Variants in CCDC88C observed in about 807,000 individuals in gnomAD.
CCDC88C encodes coiled-coil and HOOK domain protein 88C, also known as protein Daple.
Under a neutral mutation model 198.8 loss-of-function variants are expected in CCDC88C, and 131 were observed. That is an observed-to-expected ratio of 0.66 (90% CI 0.57 to 0.76). The LOEUF (loss-of-function observed/expected upper bound fraction) is 0.76. Among genes scored for constraint, CCDC88C ranks in the 30% least tolerant of loss-of-function variants. The pLI is 0.00. For missense variants in CCDC88C, 2,553 were observed against 2,631.6 expected, an observed-to-expected ratio of 0.97 and a Z score of 0.65; for synonymous variants, 1,166 against 1,114.7, an observed-to-expected ratio of 1.05 and a Z score of -0.92.
intron 3 of CCDC88C, among the ~76,000 whole-genome samples, chr14:91,407,454 G>A (rs75835174): frequency 3.4e-3 from 521 of 152,308 alleles, no homozygotes; most frequent in Non-Finnish European, 5.9e-3. Context: ...GGTCCCAGGC[G>A]GAGTCTGGTC....
At chr14:91,283,251 C>G (rs2277509) in intron 26 of CCDC88C, 78 bp downstream of exon 26, 11 of 1,434,010 alleles carry the variant, frequency 7.7e-6, no homozygotes, top group Non-Finnish European at 9.5e-6. Context: ...AGCAACCTCT[C>G]TGATTTCCGA....
intron 18 of CCDC88C, 106 bp downstream of exon 18, chr14:91,306,932 A>G: frequency 8.0e-7 from 1 of 1,249,886 alleles, no homozygotes; most frequent in Middle Eastern, 2.8e-4. Flanking sequence ...ATCTGGCTAA[A>G]TCTCCTGTGT....
chr14:91,365,835 A>G (rs1894508984), intron 3 of CCDC88C, among the ~76,000 whole-genome samples: 1 of 152,180 alleles, frequency 6.6e-6, no homozygotes, highest in South Asian at 2.1e-4. Flanking sequence ...CTTGCTGCAA[A>G]TTAACGCTGG....
intron 3 of CCDC88C, among the ~76,000 whole-genome samples, chr14:91,377,652 A>G (rs1163592069): frequency 6.6e-6 from 1 of 152,144 alleles, no homozygotes; most frequent in Admixed American, 6.5e-5. Context: ...GGAGGGTTAC[A>G]AGATGCACCC....
intron 14 of CCDC88C, 33 bp downstream of exon 14, chr14:91,315,617 T>G: frequency 1.9e-6 from 3 of 1,612,782 alleles, no homozygotes; most frequent in Non-Finnish European, 2.5e-6. Flanking sequence ...AGGCAGGGGT[T>G]CTAGGAGAGG....
intron 4 of CCDC88C, among the ~76,000 whole-genome samples, chr14:91,345,190 A>ATATATATTTTTT (rs1246878587): frequency 1.9e-5 from 1 of 52,204 alleles, no homozygotes; most frequent in Non-Finnish European, 3.4e-5. Context: ...ATATATATAT[A>ATATATATTTTTT]TTTTTTTTTT....
chr14:91,379,619 C>G, intron 3 of CCDC88C: 1 of 576,644 alleles, frequency 1.7e-6, no homozygotes, highest in Non-Finnish European at 3.1e-6. Context: ...GACGGTGCCT[C>G]CTGGGGTAGG....
At chr14:91,364,848 G>C (rs951430631) in intron 3 of CCDC88C, among the ~76,000 whole-genome samples, 6 of 152,194 alleles carry the variant, frequency 3.9e-5, no homozygotes, top group African/African-American at 1.4e-4. Flanking sequence ...GAACCAAAGA[G>C]AAAGCTGATT....
At chr14:91,344,959 C>A (rs1431216553) in intron 4 of CCDC88C, among the ~76,000 whole-genome samples, 1 of 151,340 alleles carries the variant, frequency 6.6e-6, no homozygotes, top group Non-Finnish European at 1.5e-5. Context: ...CCACACCTGG[C>A]TAACTTTTGT....
intron 4 of CCDC88C, among the ~76,000 whole-genome samples, chr14:91,355,214 G>A (rs1017641249): frequency 2.0e-5 from 3 of 152,128 alleles, no homozygotes; most frequent in South Asian, 2.1e-4. Context: ...AGGAGAGCTC[G>A]GCTTCTGGGG....
chr14:91,352,157 G>A lies in CCDC88C; in HGVS notation c.340+7485C>T, dbSNP rs1297394231. Among the ~76,000 whole-genome samples, 3 of 152,256 alleles carry A rather than the reference G, an allele frequency of 2.0e-5. No homozygotes were observed. The highest frequency in any genetic ancestry group is 4.4e-5 in the Non-Finnish European group (3 of 68,052). ...AATAGCATCTCTTCCCTCCTCCGCA[G>A]ACGGCGGTGGCCACAGAGAGTAGGG... On this transcript the variant is annotated intron_variant, in intron 4 of 29. Coordinates refer to ENST00000389857, the MANE Select transcript of CCDC88C (RefSeq NM_001080414.4). This position sits in a 1 kb window ranked among gnomAD's most constrained non-coding sequence, Gnocchi z 4.2.
At position 91,370,728 on chromosome 14, in the gene CCDC88C, G is replaced by GA. The variant is rs142557874; in HGVS notation, c.271-11018dup. ...GCAACCACAGGTGCGGATGGTGGGG[G>GA]AGGGGAAGGCGGGTCAGTAGGTGGA... On this transcript the variant is annotated intron_variant, in intron 3 of 29. Coordinates refer to ENST00000389857, the MANE Select transcript of CCDC88C (RefSeq NM_001080414.4). Among the ~76,000 whole-genome samples, 219 of 152,306 alleles carry GA rather than the reference G, an allele frequency of 1.4e-3. 3 individuals carry two copies. The East Asian group carries it at 0.034, about 24-fold the overall frequency.
At chr14:91,316,273 G>C (rs1287316638) in intron 13 of CCDC88C, among the ~76,000 whole-genome samples, 1 of 152,122 alleles carries the variant, frequency 6.6e-6, no homozygotes. Flanking sequence ...GTCTGGCCTG[G>C]ACAGCCACCC....
chr14:91,401,037 G>A (rs1596162419), intron 3 of CCDC88C, among the ~76,000 whole-genome samples: 1 of 151,420 alleles, frequency 6.6e-6, no homozygotes, highest in Non-Finnish European at 1.5e-5. Flanking sequence ...TAATGGCAGG[G>A]AAAAGCTTTC....
chr14:91,322,626 G>A (rs1227661537), intron 12 of CCDC88C, among the ~76,000 whole-genome samples: 6 of 152,102 alleles, frequency 3.9e-5, no homozygotes, highest in Admixed American at 2.0e-4. Context: ...AATTCATGGG[G>A]GTGAACCCAT....
At chr14:91,280,978 CT>C (rs146175559) in intron 27 of CCDC88C, among the ~76,000 whole-genome samples, 1,579 of 152,278 alleles carry the variant, frequency 0.01, 29 homozygotes, top group African/African-American at 0.035. Context: ...ACCAAAGCAG[CT>C]TTTGATTTTT....
rs772125931 is a variant in CCDC88C, at chr14:91,338,099, C to T, written c.956G>A (p.Arg319Gln). The T allele has an allele frequency of 1.2e-5, 19 of 1,613,828 alleles. No individual in the cohort carries two copies. The highest frequency in any genetic ancestry group is 5.3e-5 in the African/African-American group (4 of 74,930). ...RAYRDELDSLREKANRVERLE... is the reference protein window; with the variant it reads ...RAYRDELDSLQEKANRVERLE... ...CCTCTCCACGCGGTTCGCCTTCTCC[C>T]GCAGGGAATCCAGCTCGTCTCGATA... Residue 319 changes from arginine to glutamine, a missense_variant, in exon 10 of 30, where the codon CGG becomes CAG. This residue lies in a region of CCDC88C where 1,260 missense variants were observed against 1,412.0 expected (regional missense o/e 0.89). Coordinates refer to ENST00000389857, the MANE Select transcript of CCDC88C (RefSeq NM_001080414.4). This position sits in a 1 kb window ranked among gnomAD's most constrained non-coding sequence, Gnocchi z 4.8.
At position 91,345,886 on chromosome 14, in the gene CCDC88C, T is replaced by C. The variant is rs531670191; in HGVS notation, c.341-2229A>G. Among the ~76,000 whole-genome samples the C allele has an allele frequency of 7.2e-5, 11 of 152,014 alleles. No homozygotes were observed. The East Asian group carries it at 1.9e-3, about 27-fold the overall frequency. ...CTGTCTCCAAGCCTCAGTTTCCACA[T>C]CTATAAAATGGCCTGGGTAATGTGC... On this transcript the variant is annotated intron_variant, in intron 4 of 29. Coordinates refer to ENST00000389857, the MANE Select transcript of CCDC88C (RefSeq NM_001080414.4).
intron 3 of CCDC88C, among the ~76,000 whole-genome samples, chr14:91,407,083 G>GCC (rs150767119): frequency 2.6e-5 from 4 of 151,642 alleles, no homozygotes; most frequent in Non-Finnish European, 4.4e-5. Flanking sequence ...AACTACGCCA[G>GCC]CCCCCCCCAC....
Sources: allele counts gnomAD v4.1 joint callset (sites outside exome capture counted in the v4.1 genomes callset), GRCh38; gene constraint gnomAD v4.1.1; regional missense constraint gnomAD v4.1.1; non-coding constraint Gnocchi (gnomAD v3.1); transcripts MANE v1.5; gene names NCBI Gene and HGNC (gene_info 2026-07-23, HGNC 2026-07-21).